The following MRTFA variants were observed in gnomAD, a reference collection of about 807,000 sequenced individuals.
MRTFA encodes the protein myocardin related transcription factor A, also known as myocardin-related transcription factor A.
MRTFA carries 20 observed loss-of-function variants against 83.5 expected under a neutral mutation model. That is an observed-to-expected ratio of 0.24 (90% confidence interval 0.17 to 0.35). The LOEUF (loss-of-function observed/expected upper bound fraction) is 0.35. Among genes scored for constraint, MRTFA ranks in the 10% least tolerant of loss-of-function variants. The probability of loss-of-function intolerance (pLI) is 1.00; values close to 1 mark genes in which losing one functional copy is unlikely to be tolerated. For synonymous variants in MRTFA, 659 were observed against 541.2 expected (o/e 1.22, Z -3.02); for missense variants, 1,200 against 1,224.7 (o/e 0.98, Z 0.30).
chr22:40,463,326 T>C (rs2053748891), intron 3 of MRTFA, 40 bp from the exon 4 acceptor site: 10 of 1,551,626 alleles, frequency 6.4e-6, no homozygotes, highest in South Asian at 3.3e-5. Context: ...GAGGGGTCAG[T>C]TGGGTATTCC....
At chr22:40,584,752 C>G (rs1466213179) in intron 2 of MRTFA, among the ~76,000 whole-genome samples, 5 of 143,824 alleles carry the variant, frequency 3.5e-5, no homozygotes, top group Non-Finnish European at 7.5e-5. Context: ...AAAAAAAAGC[C>G]AAGTCTCTTG....
chr22:40,514,022 C>T (rs1333235400), intron 3 of MRTFA, among the ~76,000 whole-genome samples: 1 of 152,016 alleles, frequency 6.6e-6, no homozygotes, highest in East Asian at 1.9e-4. Flanking sequence ...GAGGCCGAGG[C>T]AGGCAGATCA....
chr22:40,435,384 A>T, intron 5 of MRTFA, 115 bp downstream of exon 5: 1 of 1,132,642 alleles, frequency 8.8e-7, no homozygotes, highest in Non-Finnish European at 1.3e-6. Context: ...CCTAGAGTCT[A>T]GCAGGCTCTG....
At chr22:40,503,906 A>T (rs1026414928) in intron 3 of MRTFA, among the ~76,000 whole-genome samples, 5 of 152,058 alleles carry the variant, frequency 3.3e-5, no homozygotes, top group Non-Finnish European at 5.9e-5. Context: ...TGGGCAACAG[A>T]GCAAGACTGT....
chr22:40,543,272 C>A (rs1331274624), intron 3 of MRTFA, among the ~76,000 whole-genome samples: 1 of 152,168 alleles, frequency 6.6e-6, no homozygotes, highest in East Asian at 1.9e-4. Flanking sequence ...ATTTTTACTT[C>A]TCCCAGCAAT....
intron 4 of MRTFA, among the ~76,000 whole-genome samples, chr22:40,447,908 G>A (rs1036601948): frequency 2.0e-5 from 3 of 152,142 alleles, no homozygotes; most frequent in African/African-American, 4.8e-5. Context: ...TATAGAAAAC[G>A]AAGTGTGTGA....
chr22:40,451,314 G>C (rs1235891036), intron 4 of MRTFA, among the ~76,000 whole-genome samples: 1 of 152,166 alleles, frequency 6.6e-6, no homozygotes, highest in East Asian at 1.9e-4. Context: ...AAGTTCATGT[G>C]AATCAATGAA....
chr22:40,596,041 C>T (rs759146399), intron 1 of MRTFA, among the ~76,000 whole-genome samples: 4 of 151,718 alleles, frequency 2.6e-5, no homozygotes, highest in Non-Finnish European at 5.9e-5. Flanking sequence ...CAAGCCTTTG[C>T]TCTCTGGCCA....
intron 2 of MRTFA, among the ~76,000 whole-genome samples, chr22:40,577,751 C>T (rs1363135616): frequency 6.6e-6 from 1 of 151,350 alleles, no homozygotes; most frequent in African/African-American, 2.4e-5. Flanking sequence ...GGATTACAGG[C>T]ATACACCACC....
At chr22:40,452,495 T>TA (rs2053512175) in intron 4 of MRTFA, among the ~76,000 whole-genome samples, 1 of 152,158 alleles carries the variant, frequency 6.6e-6, no homozygotes, top group African/African-American at 2.4e-5. Flanking sequence ...CTGTACTTTT[T>TA]AGACATCAAA....
intron 3 of MRTFA, among the ~76,000 whole-genome samples, chr22:40,520,556 G>A (rs557591540): frequency 1.1e-4 from 16 of 152,088 alleles, no homozygotes; most frequent in Non-Finnish European, 1.6e-4. Context: ...ATAGGCACAT[G>A]CCACCAGCCT....
At chr22:40,508,412 T>C (rs946278071) in intron 3 of MRTFA, among the ~76,000 whole-genome samples, 1 of 146,784 alleles carries the variant, frequency 6.8e-6, no homozygotes, top group African/African-American at 2.5e-5. Flanking sequence ...CTCAGGAGGC[T>C]GAGGCAGGAG....
In MRTFA at chr22:40,518,795, CAAAAAAAAAAAAAAAAA is replaced by C. The variant is rs879690699; in HGVS notation, c.241+33294_241+33310del. Among the ~76,000 whole-genome samples the C allele has an allele frequency of 3.5e-4, 24 of 68,144 alleles. 2 individuals are homozygous for C. The highest frequency in any genetic ancestry group is 1.3e-3 in the African/African-American group (21 of 15,786). 44.7% of individuals were successfully genotyped at this position (68,144 alleles called of 152,430 possible). On this transcript the variant is annotated intron_variant, in intron 3 of 14. Coordinates refer to ENST00000355630, the MANE Select transcript of MRTFA (RefSeq NM_020831.6). ...GGGCGACAGAGTGAGACTCTGTCTC[CAAAAAAAAAAAAAAAAA>C]AAAAAAAAACCAGTGTCTGTCTTTC...
chr22:40,591,115 C>A (rs759679271), intron 2 of MRTFA, among the ~76,000 whole-genome samples: 1 of 152,034 alleles, frequency 6.6e-6, no homozygotes, highest in Non-Finnish European at 1.5e-5. Flanking sequence ...AGCCTGGCGA[C>A]AGAGCGAGAC....
intron 1 of MRTFA, among the ~76,000 whole-genome samples, chr22:40,605,406 A>G (rs1314555911): frequency 1.3e-5 from 2 of 152,228 alleles, no homozygotes; most frequent in Non-Finnish European, 2.9e-5. Context: ...ACTGAAGACC[A>G]ACGGATGACA....
At chr22:40,551,614 G>A (rs1225401426) in intron 3 of MRTFA, among the ~76,000 whole-genome samples, 1 of 152,086 alleles carries the variant, frequency 6.6e-6, no homozygotes, top group East Asian at 1.9e-4. Flanking sequence ...GGTGATCTGT[G>A]CACCTCGGCC....
intron 2 of MRTFA, among the ~76,000 whole-genome samples, chr22:40,571,026 CA>C (rs71199292): frequency 2.8e-3 from 132 of 46,706 alleles, no homozygotes; most frequent in African/African-American, 6.9e-3. Flanking sequence ...CCTGTCTCTA[CA>C]AAAAAAAAAA....
At chr22:40,568,185 T>C (rs1450278544) in intron 2 of MRTFA, among the ~76,000 whole-genome samples, 4 of 152,158 alleles carry the variant, frequency 2.6e-5, no homozygotes. Context: ...GACAGCACTG[T>C]AGCACCAGTG....
intron 1 of MRTFA, among the ~76,000 whole-genome samples, chr22:40,617,839 AATTC>A (rs2056472463): frequency 6.6e-6 from 1 of 152,172 alleles, no homozygotes; most frequent in African/African-American, 2.4e-5. Context: ...ATAAGAATTC[AATTC>A]ATTCATTCAT....
Sources: gnomAD v4.1 joint callset for allele counts (sites outside exome capture counted in the v4.1 genomes callset) on GRCh38, gnomAD v4.1.1 for gene constraint, MANE v1.5 for transcripts, NCBI Gene and HGNC (gene_info 2026-07-23, HGNC 2026-07-21) for gene names.